The following RGS22 variants were observed in gnomAD, a reference collection of about 807,000 sequenced individuals.
RGS22 encodes the protein regulator of G protein signaling 22, also known as regulator of G-protein signaling 22.
Under a neutral mutation model 172.9 loss-of-function variants are expected in RGS22, and 148 were observed. The observed-to-expected ratio is 0.86, with a 90% CI of 0.75 to 0.98. RGS22 has a LOEUF of 0.98. RGS22 is among the 50% of genes least tolerant of loss of function. The probability of loss-of-function intolerance (pLI) is 0.00; values close to 1 mark genes in which losing one functional copy is unlikely to be tolerated. For missense variants in RGS22, 1,347 were observed against 1,440.8 expected, an observed-to-expected ratio of 0.93 and a Z score of 1.05; for synonymous variants, 458 against 480.2, an observed-to-expected ratio of 0.95 and a Z score of 0.60.
intron 23 of RGS22, among the ~76,000 whole-genome samples, chr8:99,967,939 G>C (rs926043974): frequency 7.2e-5 from 11 of 152,226 alleles, no homozygotes; most frequent in African/African-American, 2.4e-4. Flanking sequence ...CCTGACTGCA[G>C]ACACCTCCCA....
Position 100,006,116 on chromosome 8 carries a change from AAAAT to A in RGS22, c.2362-11_2362-8del, listed in dbSNP as rs1466506557. On this transcript the variant is annotated splice_region_variant and splice_polypyrimidine_tract_variant and intron_variant, in intron 15 of 27. Coordinates refer to ENST00000360863, the MANE Select transcript of RGS22 (RefSeq NM_015668.5). ...TTTCTTCCACCAGCTCCACCTAAAA[AAAAT>A]AAATAAAGCTTGTGACATCAAGAGA... 15 of 1,607,164 alleles carry A rather than the reference AAAAT, an allele frequency of 9.3e-6. No homozygotes were observed. The highest frequency in any genetic ancestry group is 1.3e-5 in the Non-Finnish European group (15 of 1,175,558).
chr8:100,015,688 A>G (rs1160767810), intron 14 of RGS22, among the ~76,000 whole-genome samples: 1 of 152,182 alleles, frequency 6.6e-6, no homozygotes, highest in Admixed American at 6.6e-5. Context: ...CTATGAATTT[A>G]ATCTCTCCAA....
intron 23 of RGS22, among the ~76,000 whole-genome samples, chr8:99,968,661 C>T (rs972672716): frequency 2.6e-5 from 4 of 151,640 alleles, no homozygotes; most frequent in African/African-American, 4.8e-5. Context: ...AATGAAAACT[C>T]GTGAAGACAA....
intron 23 of RGS22, among the ~76,000 whole-genome samples, chr8:99,977,695 G>A (rs139136369): frequency 6.6e-6 from 1 of 152,232 alleles, no homozygotes; most frequent in African/African-American, 2.4e-5. Flanking sequence ...TGCTTGCGTT[G>A]CCACAGAGAG....
At chr8:99,969,801 CCT>C (rs796455559) in intron 23 of RGS22, among the ~76,000 whole-genome samples, 9 of 152,192 alleles carry the variant, frequency 5.9e-5, no homozygotes, top group African/African-American at 2.2e-4. Context: ...TTAACAACCC[CCT>C]GTCAATATTA....
chr8:100,056,553 G>A (rs1586155789), intron 9 of RGS22, among the ~76,000 whole-genome samples: 1 of 152,178 alleles, frequency 6.6e-6, no homozygotes, highest in East Asian at 1.9e-4. Flanking sequence ...ACAGCCTAGG[G>A]ACTTGGTGCC....
chr8:100,105,287 G>T, intron 2 of RGS22, 87 bp downstream of exon 2: 1 of 1,098,332 alleles, frequency 9.1e-7, no homozygotes, highest in South Asian at 1.3e-5. Context: ...AAGGAGGAAA[G>T]AAAACACACA....
intron 3 of RGS22, chr8:100,080,689 G>C (rs796522620): frequency 2.0e-5 from 4 of 199,924 alleles, no homozygotes; most frequent in African/African-American, 4.7e-5. Context: ...CTCTTAGAAG[G>C]GGGTGGATCA....
intron 6 of RGS22, among the ~76,000 whole-genome samples, chr8:100,070,090 C>G (rs1031034519): frequency 1.2e-4 from 17 of 145,652 alleles, no homozygotes; most frequent in African/African-American, 4.3e-4. Context: ...AATAACGAAT[C>G]TAAGTGATAA....
chr8:100,064,146 G>A (rs967855883), intron 7 of RGS22, 103 bp from the exon 8 acceptor site: 3 of 848,710 alleles, frequency 3.5e-6, no homozygotes, highest in African/African-American at 1.7e-5. Flanking sequence ...GTTTATCATA[G>A]GTAGTGACTG....
intron 9 of RGS22, among the ~76,000 whole-genome samples, chr8:100,054,958 T>G (rs1822094063): frequency 6.6e-6 from 1 of 152,154 alleles, no homozygotes; most frequent in Non-Finnish European, 1.5e-5. Context: ...CACTACAAGT[T>G]ATGCTTTGAG....
In RGS22 at chr8:99,996,533, G is replaced by T. The variant is rs997516019; in HGVS notation, c.2950-3C>A. On this transcript the variant is annotated splice_polypyrimidine_tract_variant and splice_region_variant and intron_variant, in intron 19 of 27. Coordinates refer to ENST00000360863, the MANE Select transcript of RGS22 (RefSeq NM_015668.5). ...TCTGCTATGTCTTTCATCTGTACCT[G>T]AAAGCAAAACCAATTATTTTATCCC... 4.3e-6 allele frequency: 7 copies of T among 1,611,182 alleles called. No individual in the cohort carries two copies. Among genetic ancestry groups the T allele is most frequent in the Non-Finnish European group, 5.9e-6 (7 of 1,178,316 alleles).
intron 19 of RGS22, among the ~76,000 whole-genome samples, chr8:99,997,918 G>A (rs1036287888): frequency 6.6e-6 from 1 of 152,160 alleles, no homozygotes; most frequent in Non-Finnish European, 1.5e-5. Flanking sequence ...TAAACAGATG[G>A]ATGGATGGAT....
At chr8:99,977,117 T>A (rs1812040032) in intron 23 of RGS22, among the ~76,000 whole-genome samples, 1 of 152,018 alleles carries the variant, frequency 6.6e-6, no homozygotes, top group African/African-American at 2.4e-5. Flanking sequence ...ATTTTTCTTT[T>A]TTTTTAGATG....
chr8:100,000,465 T>C (rs1220390686), intron 18 of RGS22, among the ~76,000 whole-genome samples: 2 of 152,168 alleles, frequency 1.3e-5, no homozygotes, highest in Non-Finnish European at 2.9e-5. Context: ...TAGCACGATC[T>C]TTATAAAACA....
intron 3 of RGS22, among the ~76,000 whole-genome samples, chr8:100,086,693 C>T (rs984361748): frequency 6.6e-5 from 10 of 152,032 alleles, no homozygotes; most frequent in Admixed American, 3.9e-4. Flanking sequence ...ACATGTACAC[C>T]CCTGAATCTA....
chr8:99,995,634 G>GA (rs1814281067), intron 20 of RGS22, among the ~76,000 whole-genome samples: 1 of 152,188 alleles, frequency 6.6e-6, no homozygotes, highest in Non-Finnish European at 1.5e-5. Context: ...AGGATGTGGA[G>GA]AAAAAGGAAT....
At chr8:100,024,773 TG>T (rs1202564900) in intron 14 of RGS22, among the ~76,000 whole-genome samples, 1 of 152,166 alleles carries the variant, frequency 6.6e-6, no homozygotes, top group East Asian at 1.9e-4. Flanking sequence ...GCTAAATGGA[TG>T]GCGTTAGGAA....
intron 14 of RGS22, among the ~76,000 whole-genome samples, chr8:100,012,978 A>ATTTTTTTTTTTTTTTTTTTTTTTT (rs35339430): frequency 1.1e-5 from 1 of 88,746 alleles, no homozygotes; most frequent in Non-Finnish European, 2.1e-5. Flanking sequence ...AACGCCTTTG[A>ATTTTTTTTTTTTTTTTTTTTTTTT]TTTTTTTTTT....
Sources: gnomAD v4.1 joint callset for allele counts (sites outside exome capture counted in the v4.1 genomes callset) on GRCh38, gnomAD v4.1.1 for gene constraint, MANE v1.5 for transcripts, NCBI Gene and HGNC (gene_info 2026-07-23, HGNC 2026-07-21) for gene names.